Variants in BAZ2B observed in about 807,000 individuals in gnomAD.
BAZ2B encodes the protein bromodomain adjacent to zinc finger domain protein 2B.
Under a neutral mutation model 246.0 loss-of-function variants are expected in BAZ2B, and 91 were observed. The observed-to-expected ratio is 0.37, with a 90% CI of 0.31 to 0.44. The LOEUF (loss-of-function observed/expected upper bound fraction) is 0.44. Ranked by LOEUF, BAZ2B falls within the 20% of genes least tolerant of loss-of-function variation. BAZ2B has a pLI of 1.00. For missense variants in BAZ2B, 2,332 were observed against 2,533.7 expected, an observed-to-expected ratio of 0.92 and a Z score of 1.71; for synonymous variants, 855 against 860.0, an observed-to-expected ratio of 0.99 and a Z score of 0.10.
intron 31 of BAZ2B, among the ~76,000 whole-genome samples, chr2:159,344,297 G>T (rs1018092630): frequency 1.3e-5 from 2 of 152,034 alleles, no homozygotes; most frequent in African/African-American, 4.8e-5. Flanking sequence ...CAGCACTTTG[G>T]GAGGCTGAGG....
intron 6 of BAZ2B, among the ~76,000 whole-genome samples, chr2:159,439,537 A>G (rs2072999363): frequency 6.6e-6 from 1 of 152,240 alleles, no homozygotes; most frequent in African/African-American, 2.4e-5. Flanking sequence ...AATTCCAACT[A>G]TGATACATAC....
chr2:159,584,745 A>G (rs1184289598), intron 1 of BAZ2B, among the ~76,000 whole-genome samples: 1 of 152,200 alleles, frequency 6.6e-6, no homozygotes, highest in African/African-American at 2.4e-5. Context: ...CTGAAATGTA[A>G]TCTCCAGTAT....
At chr2:159,347,463 A>G (rs1311467234) in intron 31 of BAZ2B, 23 bp downstream of exon 31, 1 of 1,604,866 alleles carries the variant, frequency 6.2e-7, no homozygotes, top group East Asian at 2.2e-5. Context: ...CTAAAAACAT[A>G]TTTTATTCCA....
chr2:159,330,108 T>C lies in BAZ2B; in HGVS notation c.5943+2432A>G, dbSNP rs147640558. On this transcript the variant is annotated intron_variant, in intron 34 of 36. Transcript: ENST00000392783. ...ATCAAAAAATGACTATTAGTGAATATGATGCCATGTAAGACCACTTGCTAT... is the reference window on the plus strand; with the variant it reads ...ATCAAAAAATGACTATTAGTGAATACGATGCCATGTAAGACCACTTGCTAT... 3.7e-3 allele frequency among the ~76,000 whole-genome samples: 570 copies of C among 152,334 alleles called. 8 individuals are homozygous for C. Among genetic ancestry groups the C allele is most frequent in the African/African-American group, 0.013 (538 of 41,590 alleles).
intron 34 of BAZ2B, among the ~76,000 whole-genome samples, chr2:159,329,043 G>A (rs112718324): frequency 0.035 from 5,324 of 151,230 alleles, 303 homozygotes; most frequent in African/African-American, 0.12. Context: ...CAGGAGAATC[G>A]CTTGAACACG....
At chr2:159,318,310 G>A (rs1330835619), downstream of BAZ2B, among the ~76,000 whole-genome samples, 5 of 152,182 alleles carry the variant, frequency 3.3e-5, no homozygotes, top group Non-Finnish European at 5.9e-5. Flanking sequence ...AGGCATCACT[G>A]CAATATCTGG....
At chr2:159,653,737 A>G in the BAZ2B span, among the ~76,000 whole-genome samples, 3 of 152,214 alleles carry the variant, frequency 2.0e-5, no homozygotes, top group African/African-American at 7.2e-5. Context: ...TGACTTCTAT[A>G]TTAGTGTTCC....
intron 23 of BAZ2B, among the ~76,000 whole-genome samples, chr2:159,384,554 C>T (rs1048050859): frequency 3.3e-5 from 5 of 151,946 alleles, no homozygotes; most frequent in African/African-American, 1.2e-4. Flanking sequence ...ACAAGATGAA[C>T]ATGAATTTGT....
At chr2:159,405,546 G>A (rs2065797514) in intron 14 of BAZ2B, among the ~76,000 whole-genome samples, 1 of 152,120 alleles carries the variant, frequency 6.6e-6, no homozygotes, top group Non-Finnish European at 1.5e-5. Context: ...CCTAAGGTCA[G>A]ACAGATACCA....
chr2:159,438,309 G>A lies in BAZ2B; in HGVS notation c.1287C>T (p.Ser429=). ...ESSLLTSELR[S]KREQYKQAFP... ...TAAATAATTTGTAACTCACCCGTTT[G>A]GATCTCAATTCACTGGTCAATAAAC... The change falls in exon 8 of 37, where the codon TCC becomes TCT. Residue 429 remains serine, a synonymous_variant. Coordinates refer to ENST00000392783, the MANE Select transcript of BAZ2B (RefSeq NM_013450.4). The A allele has an allele frequency of 6.2e-7, 1 of 1,611,434 alleles. No homozygotes were observed. Among genetic ancestry groups the A allele is most frequent in the Non-Finnish European group, 8.5e-7 (1 of 1,179,152 alleles).
chr2:159,418,950 A>G (rs1328329387), intron 13 of BAZ2B, among the ~76,000 whole-genome samples: 1 of 152,174 alleles, frequency 6.6e-6, no homozygotes, highest in Admixed American at 6.5e-5. Flanking sequence ...GTATGTTTTA[A>G]ATCTGGATTA....
intron 8 of BAZ2B, chr2:159,435,145 T>A (rs915573904): frequency 6.6e-6 from 1 of 151,848 alleles, no homozygotes; most frequent in Non-Finnish European, 1.5e-5. Flanking sequence ...GTGATGGAGA[T>A]TTCACAAGTG....
chr2:159,325,660 G>C lies in BAZ2B; in HGVS notation c.6202C>G (p.Leu2068Val), dbSNP rs1490665863. ...TGAAAACGGAAATAATACCTGCAAA[G>C]AGCTAGGTCCTTGGAGTCATCTCTT... ...PKRDDSKDLA[L>V]CSMILTEMET... is the part of the protein sequence containing the mutation. The change falls in exon 35 of 37, where the codon CTT (leucine) becomes GTT (valine). Residue 2068 changes from leucine (L) to valine (V), a missense_variant. By Grantham distance (32) the Leu-to-Val change is conservative. Around this residue, in one of 9 missense-constraint regions of BAZ2B, gnomAD observed 210 missense variants for 232.5 expected, o/e 0.90. Coordinates refer to ENST00000392783, the MANE Select transcript of BAZ2B (RefSeq NM_013450.4). The C allele has an allele frequency of 1.3e-6, 2 of 1,584,422 alleles. No homozygotes were observed. The highest frequency in any genetic ancestry group is 1.7e-6 in the Non-Finnish European group (2 of 1,173,194).
chr2:159,431,788 T>A (rs1300198875), intron 9 of BAZ2B, among the ~76,000 whole-genome samples: 2 of 152,118 alleles, frequency 1.3e-5, no homozygotes, highest in African/African-American at 4.8e-5. Flanking sequence ...ATATGTAAAA[T>A]CTATTACTAG....
chr2:159,640,307 A>C, the BAZ2B span, among the ~76,000 whole-genome samples: 408 of 152,268 alleles, frequency 2.7e-3, 3 homozygotes, highest in African/African-American at 9.4e-3. Context: ...CACAAGATCA[A>C]CAAAGAAACA....
Position 159,429,348 on chromosome 2 carries a change from A to G in BAZ2B, c.2195-88T>C, listed in dbSNP as rs2070644587. The G allele has an allele frequency of 1.3e-5, 10 of 741,498 alleles. 1 individual carries two copies. In the South Asian group the frequency reaches 2.2e-4, roughly 17 times the overall value. The allele number at this position is 741,498 out of a possible 1,614,324, so 45.9% of individuals were successfully genotyped here. On this transcript the variant is annotated intron_variant, in intron 10 of 36. Coordinates refer to ENST00000392783, the MANE Select transcript of BAZ2B (RefSeq NM_013450.4). Reference sequence around the variant, plus strand: ...TTTAGAAACTTTTCTTTAAAAAAGTATATGTTAATAACTTGGATTTAGTGT... The same window carrying G: ...TTTAGAAACTTTTCTTTAAAAAAGTGTATGTTAATAACTTGGATTTAGTGT...
At chr2:159,348,382 C>T (rs2058195825) in intron 30 of BAZ2B, among the ~76,000 whole-genome samples, 1 of 150,048 alleles carries the variant, frequency 6.7e-6, no homozygotes, top group Admixed American at 6.6e-5. Context: ...TACATCCTCC[C>T]ATATGCTTCA....
intron 1 of BAZ2B, among the ~76,000 whole-genome samples, chr2:159,574,924 C>T (rs924510128): frequency 2.6e-5 from 4 of 151,746 alleles, no homozygotes; most frequent in African/African-American, 7.3e-5. Flanking sequence ...GAGCCAAGAT[C>T]CTACCACTGC....
chr2:159,431,085 C>T lies in BAZ2B; in HGVS notation c.1972G>A (p.Glu658Lys). ...EEDDDDKDQD[E>K]SDSDTEGEKT... ...TCTCCTTCAGTATCACTATCTGATTCATCTTGGTCTTTATCATCATCATCT... is the reference window on the plus strand; with the variant it reads ...TCTCCTTCAGTATCACTATCTGATTTATCTTGGTCTTTATCATCATCATCT... Residue 658 changes from glutamate to lysine, a missense_variant, in exon 10 of 37, where the codon GAA (glutamate) becomes AAA (lysine). By Grantham distance (56) the Glu-to-Lys change is moderately conservative. Coordinates refer to ENST00000392783, the MANE Select transcript of BAZ2B (RefSeq NM_013450.4). The T allele has an allele frequency of 1.9e-6, 3 of 1,613,890 alleles. No homozygotes were observed. Among genetic ancestry groups the T allele is most frequent in the Non-Finnish European group, 1.7e-6 (2 of 1,179,820 alleles).
Sources: allele counts gnomAD v4.1 joint callset (sites outside exome capture counted in the v4.1 genomes callset), GRCh38; gene constraint gnomAD v4.1.1; regional missense constraint gnomAD v4.1.1; transcripts MANE v1.5; gene names NCBI Gene and HGNC (gene_info 2026-07-23, HGNC 2026-07-21).